The following SP4 variants were observed in gnomAD, a reference collection of about 807,000 sequenced individuals.
The protein encoded by SP4 is transcription factor Sp4.
SP4 carries 19 observed loss-of-function variants against 72.8 expected under a neutral mutation model. The observed-to-expected ratio is 0.26, with a 90% CI of 0.18 to 0.38. The LOEUF (loss-of-function observed/expected upper bound fraction) is 0.38, where lower values mean the gene tolerates loss of function less well. SP4 is among the 10% of genes least tolerant of loss of function. SP4 has a pLI of 1.00. For missense variants in SP4, 1,008 were observed against 926.3 expected (o/e 1.09, Z -1.14); for synonymous variants, 395 against 333.1 (o/e 1.19, Z -2.02).
intron 5 of SP4, among the ~76,000 whole-genome samples, chr7:21,489,892 C>A (rs1011099745): frequency 6.6e-6 from 1 of 152,082 alleles, no homozygotes; most frequent in African/African-American, 2.4e-5. Flanking sequence ...CTCAAGTGAT[C>A]CTCCCACCTC....
rs561625190 is a variant in SP4, at chr7:21,440,602, C to G, written c.1678+9759C>G. ...TGGTGGTTCACACCTGTAATCCCAG[C>G]ACTTTGGGAGGCCGAGGCAGGCAGA... On this transcript the variant is annotated intron_variant, in intron 3 of 5. Transcript: ENST00000222584. 1.7e-3 allele frequency among the ~76,000 whole-genome samples: 257 copies of G among 152,236 alleles called. 4 individuals carry two copies. The highest frequency in any genetic ancestry group is 5.7e-3 in the African/African-American group (237 of 41,536).
In SP4 at chr7:21,453,769, T is replaced by A. The variant is rs532818796; in HGVS notation, c.1678+22926T>A. 8.5e-5 allele frequency among the ~76,000 whole-genome samples: 13 copies of A among 152,360 alleles called. No homozygotes were observed. In the South Asian group the frequency reaches 2.7e-3, roughly 32 times the overall value. On this transcript the variant is annotated intron_variant, in intron 3 of 5. Transcript: ENST00000222584. Reference sequence around the variant, plus strand: ...AGAATGCTCTAAGAAAACTGTGTTATGCTTTTATTCCAATGTTTAATTTAT... The same window carrying A: ...AGAATGCTCTAAGAAAACTGTGTTAAGCTTTTATTCCAATGTTTAATTTAT...
intron 5 of SP4, among the ~76,000 whole-genome samples, chr7:21,484,643 A>G (rs562879907): frequency 6.6e-6 from 1 of 152,020 alleles, no homozygotes; most frequent in Admixed American, 6.5e-5. Context: ...CTGTTTTAGA[A>G]AAATACTCTG....
At chr7:21,482,144 G>C in intron 5 of SP4, 21 bp downstream of exon 5, 2 of 1,574,222 alleles carry the variant, frequency 1.3e-6, no homozygotes, top group Non-Finnish European at 8.7e-7. Flanking sequence ...TTTAGGACTT[G>C]TACTTTTTAC....
rs1782228191 is a variant in SP4, at chr7:21,514,768, T to C, written c.*3499T>C. ...AAAATTCCCTTGAGTTTAACATGTTTCATTTAATTATGTATACTATAAAGC... is the reference window on the plus strand; with the variant it reads ...AAAATTCCCTTGAGTTTAACATGTTCCATTTAATTATGTATACTATAAAGC... On this transcript the variant is annotated 3_prime_UTR_variant, in exon 6 of 6. Transcript: ENST00000222584. The C allele has an allele frequency of 6.6e-6, 1 of 152,208 alleles. No homozygotes were observed. Among genetic ancestry groups the C allele is most frequent in the African/African-American group, 2.4e-5 (1 of 41,454 alleles). The allele number at this position is 152,208 out of a possible 1,614,324, so 9.4% of individuals were successfully genotyped here. A position where few individuals can be genotyped will look rare whatever the true frequency, so the allele number is the denominator to read the frequency against.
At chr7:21,428,582 C>CG (rs942909083) in intron 1 of SP4, 95 bp from the exon 2 acceptor site, 7 of 1,255,244 alleles carry the variant, frequency 5.6e-6, no homozygotes, top group Non-Finnish European at 7.7e-6. Flanking sequence ...GATTAATGTT[C>CG]GGGGGGAGGG....
chr7:21,488,434 G>T (rs1784880229), intron 5 of SP4, among the ~76,000 whole-genome samples: 1 of 148,476 alleles, frequency 6.7e-6, no homozygotes, highest in African/African-American at 2.5e-5. Flanking sequence ...TTTCTAGTTT[G>T]CAGACATTTG....
chr7:21,511,717 G>A lies in SP4; in HGVS notation c.*448G>A, dbSNP rs1562635445. 1 of 154,988 alleles carries A rather than the reference G, an allele frequency of 6.5e-6. No individual in the cohort carries two copies. Among genetic ancestry groups the A allele is most frequent in the Admixed American group, 6.3e-5 (1 of 15,788 alleles). 9.6% of individuals were successfully genotyped at this position (154,988 alleles called of 1,614,324 possible). On this transcript the variant is annotated 3_prime_UTR_variant, in exon 6 of 6. Transcript: ENST00000222584. Reference sequence around the variant, plus strand: ...AAAACAGATAGTTAACTGATGATAGGGATAATACTGTATTTCCTTAGCTTG... The same window carrying A: ...AAAACAGATAGTTAACTGATGATAGAGATAATACTGTATTTCCTTAGCTTG...
chr7:21,462,659 G>C (rs1042603608), intron 3 of SP4, among the ~76,000 whole-genome samples: 1 of 152,226 alleles, frequency 6.6e-6, no homozygotes, highest in African/African-American at 2.4e-5. Context: ...AATTATGGCA[G>C]TGTATGAAAT....
intron 3 of SP4, among the ~76,000 whole-genome samples, chr7:21,432,364 G>A (rs1782889992): frequency 6.6e-6 from 1 of 152,156 alleles, no homozygotes; most frequent in Middle Eastern, 3.2e-3. Context: ...TTTTTGGTGG[G>A]TTGAATGACA....
At chr7:21,451,562 T>C (rs1203659722) in intron 3 of SP4, among the ~76,000 whole-genome samples, 4 of 152,146 alleles carry the variant, frequency 2.6e-5, no homozygotes, top group African/African-American at 9.7e-5. Flanking sequence ...TCTTGCTGGC[T>C]GTCAGGGCAG....
intron 5 of SP4, among the ~76,000 whole-genome samples, chr7:21,508,965 A>G (rs372011759): frequency 3.9e-5 from 6 of 152,222 alleles, no homozygotes; most frequent in African/African-American, 1.4e-4. Context: ...TCTGGCCACG[A>G]CAAATTTATT....
intron 3 of SP4, among the ~76,000 whole-genome samples, chr7:21,472,316 T>G (rs1300843172): frequency 6.6e-6 from 1 of 152,112 alleles, no homozygotes; most frequent in Non-Finnish European, 1.5e-5. Flanking sequence ...ACTTTCTCTG[T>G]CACCCAGGCT....
At chr7:21,463,301 A>C (rs940415828) in intron 3 of SP4, among the ~76,000 whole-genome samples, 1 of 152,152 alleles carries the variant, frequency 6.6e-6, no homozygotes, top group African/African-American at 2.4e-5. Context: ...GAGGGAAAAA[A>C]ATTGGAACAG....
intron 3 of SP4, among the ~76,000 whole-genome samples, chr7:21,476,339 T>A (rs1225819837): frequency 6.6e-6 from 1 of 152,064 alleles, no homozygotes; most frequent in Non-Finnish European, 1.5e-5. Context: ...CAATAGATTT[T>A]TTTATTGTTG....
chr7:21,430,744 C>T lies in SP4; in HGVS notation c.1579C>T (p.Leu527Phe). 1 of 1,614,244 alleles carries T rather than the reference C, an allele frequency of 6.2e-7. No homozygotes were observed. The highest frequency in any genetic ancestry group is 8.5e-7 in the Non-Finnish European group (1 of 1,180,044). The change falls in exon 3 of 6, where the codon CTT (leucine) becomes TTT (phenylalanine). Residue 527 changes from leucine to phenylalanine, a missense_variant. Physicochemically the swap from Leu to Phe is conservative, Grantham distance 22 (BLOSUM62 0). Transcript: ENST00000222584. ...CCCAATAACTTTGAATACTGCCCAGCTTGCATCAGTGCCTAACCTTCAGAC... is the reference window on the plus strand; with the variant it reads ...CCCAATAACTTTGAATACTGCCCAGTTTGCATCAGTGCCTAACCTTCAGAC... ...GAPITLNTAQ[L>F]ASVPNLQTVS... is the part of the protein sequence containing the mutation.
chr7:21,462,607 G>T (rs895526717), intron 3 of SP4, among the ~76,000 whole-genome samples: 3 of 152,024 alleles, frequency 2.0e-5, no homozygotes, highest in African/African-American at 7.2e-5. Flanking sequence ...ATCAGAATCA[G>T]CAGTCTAGAT....
intron 5 of SP4, among the ~76,000 whole-genome samples, chr7:21,509,041 A>G (rs1275448212): frequency 3.3e-5 from 5 of 151,746 alleles, no homozygotes; most frequent in South Asian, 2.1e-4. Flanking sequence ...ATCTATTTCA[A>G]TTTTTTTCTT....
intron 3 of SP4, among the ~76,000 whole-genome samples, chr7:21,451,738 A>T (rs1235114311): frequency 1.3e-5 from 2 of 152,146 alleles, no homozygotes; most frequent in Admixed American, 1.3e-4. Flanking sequence ...GATCATCTGG[A>T]GCTGGATGGC....
Sources: allele counts gnomAD v4.1 joint callset (sites outside exome capture counted in the v4.1 genomes callset), GRCh38; gene constraint gnomAD v4.1.1; transcripts MANE v1.5; gene names NCBI Gene and HGNC (gene_info 2026-07-23, HGNC 2026-07-21).